CSMD3: variants seen among roughly 807,000 people sequenced by gnomAD.
CSMD3 encodes the protein CUB and Sushi multiple domains 3.
Under a neutral mutation model 435.2 loss-of-function variants are expected in CSMD3, and 177 were observed. The ratio of observed to expected loss-of-function variants is 0.41; its 90% CI spans 0.36 to 0.46. The LOEUF is 0.46. Ranked by LOEUF, CSMD3 falls within the 20% of genes least tolerant of loss-of-function variation. CSMD3 has a pLI of 0.34. For missense variants in CSMD3, 4,265 were observed against 4,504.6 expected, an observed-to-expected ratio of 0.95 and a Z score of 1.52; for synonymous variants, 1,656 against 1,520.5, an observed-to-expected ratio of 1.09 and a Z score of -2.07.
In CSMD3 at chr8:113,369,249, A is replaced by C. The variant is rs145753305; in HGVS notation, c.179-54456T>G. On this transcript the variant is annotated intron_variant, in intron 1 of 70. Transcript: ENST00000297405. ...GGACTGTGTGATGATAATAATAATA[A>C]AATAAAATTTGAGGATCCAAATTAT... is the stretch of plus-strand genomic sequence containing the variant. 7.4e-3 allele frequency among the ~76,000 whole-genome samples: 1,130 copies of C among 152,106 alleles called. 14 individuals carry two copies. Among genetic ancestry groups the C allele is most frequent in the African/African-American group, 0.025 (1,059 of 41,554 alleles).
intron 32 of CSMD3, among the ~76,000 whole-genome samples, chr8:112,430,323 A>G (rs1333360379): frequency 6.6e-6 from 1 of 152,048 alleles, no homozygotes; most frequent in Non-Finnish European, 1.5e-5. Context: ...AAACTTCCCC[A>G]TAACTCTTCC....
Position 112,990,421 on chromosome 8 carries a change from C to T in CSMD3, c.1031-14273G>A, listed in dbSNP as rs1404322608. Among the ~76,000 whole-genome samples, 3 of 151,862 alleles carry T rather than the reference C, an allele frequency of 2.0e-5. No individual in the cohort carries two copies. In the East Asian group the frequency reaches 5.8e-4, roughly 30 times the overall value. On this transcript the variant is annotated intron_variant, in intron 6 of 70. Transcript: ENST00000297405. Reference sequence around the variant, plus strand: ...AATACATGACTTGTCTTTCACAAGCCATGTTTAACTGAAACAATGGGTTAA... The same window carrying T: ...AATACATGACTTGTCTTTCACAAGCTATGTTTAACTGAAACAATGGGTTAA...
chr8:113,170,918 G>A (rs67873659), intron 4 of CSMD3, among the ~76,000 whole-genome samples: 16,880 of 151,752 alleles, frequency 0.11, 1,015 homozygotes, highest in Middle Eastern at 0.17. Context: ...TTAGAGTGGT[G>A]GTCAAATCTT....
intron 22 of CSMD3, among the ~76,000 whole-genome samples, chr8:112,620,111 A>T (rs1833955458): frequency 6.6e-6 from 1 of 152,254 alleles, no homozygotes; most frequent in Admixed American, 6.5e-5. Flanking sequence ...AAAATCCAGA[A>T]TGTGGAATAT....
intron 1 of CSMD3, among the ~76,000 whole-genome samples, chr8:113,422,378 A>G (rs2094612978): frequency 6.6e-6 from 1 of 152,196 alleles, no homozygotes; most frequent in South Asian, 2.1e-4. Flanking sequence ...TTATCTCAAC[A>G]TTCTTCTTAG....
intron 7 of CSMD3, among the ~76,000 whole-genome samples, chr8:112,958,028 A>T (rs1439041267): frequency 6.6e-6 from 1 of 152,174 alleles, no homozygotes; most frequent in East Asian, 1.9e-4. Flanking sequence ...TATTTGTATG[A>T]GTGTATGAAT....
At position 112,793,788 on chromosome 8, in the gene CSMD3, T is replaced by G. The variant is rs114760675; in HGVS notation, c.1972+6374A>C. Among the ~76,000 whole-genome samples the G allele has an allele frequency of 3.9e-3, 593 of 152,300 alleles. 7 individuals are homozygous for G. Among genetic ancestry groups the G allele is most frequent in the African/African-American group, 0.013 (546 of 41,574 alleles). On this transcript the variant is annotated intron_variant, in intron 13 of 70. Transcript: ENST00000297405. Reference sequence around the variant, plus strand: ...CTTTGATTGGCCAGAACTCAGTGATTGGTAAAAGAAGAAGTCACATCCTGT... The same window carrying G: ...CTTTGATTGGCCAGAACTCAGTGATGGGTAAAAGAAGAAGTCACATCCTGT...
chr8:112,915,278 T>G (rs2130572561), intron 10 of CSMD3, among the ~76,000 whole-genome samples: 1 of 151,956 alleles, frequency 6.6e-6, no homozygotes, highest in Non-Finnish European at 1.5e-5. Context: ...AAGCGTTCAT[T>G]ACTAATATGG....
intron 28 of CSMD3, among the ~76,000 whole-genome samples, chr8:112,514,711 CTAT>C (rs1823494657): frequency 6.6e-6 from 1 of 151,894 alleles, no homozygotes; most frequent in Non-Finnish European, 1.5e-5. Context: ...TTGGTACTTG[CTAT>C]AAGACTGACT....
intron 3 of CSMD3, among the ~76,000 whole-genome samples, chr8:113,195,812 TATACAC>T (rs1406685107): frequency 7.2e-6 from 1 of 139,562 alleles, no homozygotes; most frequent in South Asian, 2.2e-4. Context: ...TATATATATA[TATACAC>T]ACACACACAC....
intron 10 of CSMD3, among the ~76,000 whole-genome samples, chr8:112,866,562 G>A (rs1269023535): frequency 2.0e-5 from 3 of 152,140 alleles, no homozygotes; most frequent in African/African-American, 4.8e-5. Flanking sequence ...TGATTCAAAT[G>A]TATTTGCGGC....
chr8:112,932,562 C>T (rs1260510348), intron 9 of CSMD3, among the ~76,000 whole-genome samples: 1 of 151,932 alleles, frequency 6.6e-6, no homozygotes, highest in African/African-American at 2.4e-5. Flanking sequence ...GGCATGAACC[C>T]AGAAGGCGGA....
At chr8:113,329,097 A>G (rs1297744276) in intron 1 of CSMD3, among the ~76,000 whole-genome samples, 1 of 151,894 alleles carries the variant, frequency 6.6e-6, no homozygotes, top group Non-Finnish European at 1.5e-5. Flanking sequence ...ACTGGAAAGT[A>G]TGGCTCATTT....
chr8:112,438,969 T>C (rs1485855970), intron 32 of CSMD3, among the ~76,000 whole-genome samples: 2 of 152,188 alleles, frequency 1.3e-5, no homozygotes, highest in African/African-American at 2.4e-5. Flanking sequence ...AGTCATTGTC[T>C]TGTACTCTTG....
chr8:112,715,674 A>C (rs2076709416), intron 13 of CSMD3, among the ~76,000 whole-genome samples: 1 of 152,216 alleles, frequency 6.6e-6, no homozygotes, highest in Non-Finnish European at 1.5e-5. Flanking sequence ...GAAACACCTC[A>C]ATAAAATACT....
chr8:112,645,441 A>G (rs555085358), intron 19 of CSMD3, among the ~76,000 whole-genome samples: 40 of 152,334 alleles, frequency 2.6e-4, no homozygotes, highest in African/African-American at 9.1e-4. Flanking sequence ...TCAACTTTCC[A>G]AGTTTGAATT....
chr8:112,615,114 C>G (rs1833564621), intron 22 of CSMD3, among the ~76,000 whole-genome samples: 1 of 152,038 alleles, frequency 6.6e-6, no homozygotes, highest in Non-Finnish European at 1.5e-5. Context: ...GAACCAATGA[C>G]AATTTTTAAG....
At chr8:113,001,637 T>C (rs1354443768) in intron 6 of CSMD3, among the ~76,000 whole-genome samples, 1 of 152,128 alleles carries the variant, frequency 6.6e-6, no homozygotes, top group Non-Finnish European at 1.5e-5. Flanking sequence ...TTCCTTTCTT[T>C]GGTCTGTTTA....
intron 12 of CSMD3, among the ~76,000 whole-genome samples, chr8:112,818,012 A>T (rs1399398773): frequency 2.0e-5 from 3 of 152,014 alleles, no homozygotes; most frequent in African/African-American, 7.2e-5. Context: ...AAATTTTATA[A>T]TTAATATTTT....
Sources: allele counts gnomAD v4.1 joint callset (sites outside exome capture counted in the v4.1 genomes callset), GRCh38; gene constraint gnomAD v4.1.1; transcripts MANE v1.5; gene names NCBI Gene and HGNC (gene_info 2026-07-23, HGNC 2026-07-21).